CDH18: variants seen among roughly 807,000 people sequenced by gnomAD.
The protein encoded by CDH18 is cadherin-18.
A neutral mutation model predicts 67.9 loss-of-function variants in CDH18; 31 were observed. The observed-to-expected ratio is 0.46, with a 90% CI of 0.34 to 0.62. The LOEUF (loss-of-function observed/expected upper bound fraction) is 0.62, where lower values mean the gene tolerates loss of function less well. CDH18 is among the 20% of genes least tolerant of loss of function. The pLI is 0.01. For synonymous variants in CDH18, 362 were observed against 347.2 expected (o/e 1.04, Z -0.48); for missense variants, 890 against 975.5 (o/e 0.91, Z 1.17).
At chr5:19,829,579 A>C (rs892785375) in intron 3 of CDH18, among the ~76,000 whole-genome samples, 1 of 152,198 alleles carries the variant, frequency 6.6e-6, no homozygotes, top group Admixed American at 6.5e-5. Flanking sequence ...AAACAAATGG[A>C]AAAATGTTCC....
chr5:19,674,582 C>T (rs1031083823), intron 5 of CDH18, among the ~76,000 whole-genome samples: 3 of 152,026 alleles, frequency 2.0e-5, no homozygotes, highest in Non-Finnish European at 4.4e-5. Context: ...CAATTGACAT[C>T]ACAGACTTTA....
intron 7 of CDH18, among the ~76,000 whole-genome samples, chr5:19,586,519 C>T (rs1273743985): frequency 6.6e-6 from 1 of 152,116 alleles, no homozygotes; most frequent in Non-Finnish European, 1.5e-5. Context: ...TGTCTATGTC[C>T]CTACAAAGGA....
intron 2 of CDH18, among the ~76,000 whole-genome samples, chr5:20,028,915 A>G (rs1292587243): frequency 6.6e-6 from 1 of 152,188 alleles, no homozygotes; most frequent in African/African-American, 2.4e-5. Flanking sequence ...TTAATTCCTT[A>G]CACATGCTAA....
At chr5:19,603,720 G>A (rs1181448123) in intron 6 of CDH18, among the ~76,000 whole-genome samples, 1 of 150,838 alleles carries the variant, frequency 6.6e-6, no homozygotes, top group Non-Finnish European at 1.5e-5. Context: ...TGGATTTTCA[G>A]TGTGTGAGGC....
intron 5 of CDH18, among the ~76,000 whole-genome samples, chr5:19,708,980 C>T (rs1371693309): frequency 1.4e-5 from 2 of 143,952 alleles, no homozygotes; most frequent in Non-Finnish European, 3.1e-5. Flanking sequence ...TGCACTCCAG[C>T]CCGGGCAACA....
intron 5 of CDH18, among the ~76,000 whole-genome samples, chr5:19,702,235 G>A (rs1388815831): frequency 1.5e-5 from 2 of 132,494 alleles, no homozygotes; most frequent in Non-Finnish European, 3.1e-5. Context: ...TGCAACCCCC[G>A]CCTCCAGGGT....
intron 10 of CDH18, among the ~76,000 whole-genome samples, chr5:19,508,048 G>T (rs1183193767): frequency 2.1e-5 from 3 of 144,154 alleles, no homozygotes; most frequent in Non-Finnish European, 1.5e-5. Context: ...TTTATTAATC[G>T]TATTTCTGAA....
At chr5:19,942,264 T>G (rs1046576234) in intron 2 of CDH18, among the ~76,000 whole-genome samples, 4 of 152,146 alleles carry the variant, frequency 2.6e-5, no homozygotes, top group Non-Finnish European at 2.9e-5. Context: ...CTAAGGCACA[T>G]ATGATTTTCC....
Position 20,453,930 on chromosome 5 carries a change from C to T in CDH18, c.-580+121532G>A, listed in dbSNP as rs190003983. Among the ~76,000 whole-genome samples the T allele has an allele frequency of 2.2e-4, 33 of 151,934 alleles. No homozygotes were observed. The East Asian group carries it at 5.4e-3, about 25-fold the overall frequency. Reference sequence around the variant, plus strand: ...ACATGAAAATATCCAATAACAGTTGCGAAGGGAGATAAAAATTAATACTTT... The same window carrying T: ...ACATGAAAATATCCAATAACAGTTGTGAAGGGAGATAAAAATTAATACTTT... On this transcript the variant is annotated intron_variant, in intron 1 of 14. Coordinates refer to the CDH18 transcript ENST00000507958.
rs558191501 is a variant in CDH18, at chr5:20,395,034, A to T, written c.-579-139529T>A. Among the ~76,000 whole-genome samples the T allele has an allele frequency of 2.6e-4, 39 of 152,290 alleles. 1 individual carries two copies. The South Asian group carries it at 8.1e-3, about 32-fold the overall frequency. On this transcript the variant is annotated intron_variant, in intron 1 of 14. Coordinates refer to the CDH18 transcript ENST00000507958. ...AGCATTTGTGGAAAACAGTATGGAG[A>T]TTTCTCAAAGAACTAAAAGTTGATC...
At chr5:19,600,703 C>T (rs1746992869) in intron 6 of CDH18, among the ~76,000 whole-genome samples, 1 of 151,624 alleles carries the variant, frequency 6.6e-6, no homozygotes, top group Non-Finnish European at 1.5e-5. Context: ...GAAATTTTTT[C>T]CTTGAATGAA....
At chr5:20,496,651 TA>T (rs1561064110) in intron 1 of CDH18, among the ~76,000 whole-genome samples, 1 of 152,108 alleles carries the variant, frequency 6.6e-6, no homozygotes, top group Non-Finnish European at 1.5e-5. Context: ...AATTGAGAGA[TA>T]AATTGTAAAT....
chr5:19,883,796 T>C (rs1002833481), intron 2 of CDH18, among the ~76,000 whole-genome samples: 1 of 152,104 alleles, frequency 6.6e-6, no homozygotes, highest in Non-Finnish European at 1.5e-5. Flanking sequence ...CTTGTAAATA[T>C]ACAAGGATAG....
chr5:20,406,563 A>G (rs1210491178), intron 1 of CDH18, among the ~76,000 whole-genome samples: 1 of 128,396 alleles, frequency 7.8e-6, no homozygotes, highest in Non-Finnish European at 1.8e-5. Context: ...GTACCCTAAA[A>G]CTTAAAGTAT....
intron 2 of CDH18, among the ~76,000 whole-genome samples, chr5:20,074,684 T>C (rs1743769343): frequency 6.6e-6 from 1 of 151,838 alleles, no homozygotes; most frequent in African/African-American, 2.4e-5. Flanking sequence ...ACAATCAGAA[T>C]CTCACCACCA....
chr5:19,599,179 A>G (rs1746663784), intron 6 of CDH18, among the ~76,000 whole-genome samples: 1 of 152,118 alleles, frequency 6.6e-6, no homozygotes, highest in Admixed American at 6.5e-5. Flanking sequence ...TACATACACA[A>G]ATATATGTAC....
intron 2 of CDH18, among the ~76,000 whole-genome samples, chr5:20,017,046 C>G (rs917516857): frequency 6.6e-6 from 1 of 151,262 alleles, no homozygotes; most frequent in African/African-American, 2.4e-5. Context: ...TTTAAAAATA[C>G]ATTTTCAAAA....
chr5:19,958,806 A>C (rs1210860541), intron 2 of CDH18, among the ~76,000 whole-genome samples: 1 of 152,050 alleles, frequency 6.6e-6, no homozygotes, highest in Non-Finnish European at 1.5e-5. Context: ...TCCGTGTTGC[A>C]TCGCATTTTA....
intron 1 of CDH18, among the ~76,000 whole-genome samples, chr5:20,525,346 C>T (rs1043213181): frequency 2.6e-5 from 4 of 151,998 alleles, no homozygotes; most frequent in African/African-American, 4.8e-5. Flanking sequence ...TTTACTGAGG[C>T]GGGGTTCATC....
Sources: gnomAD v4.1 joint callset for allele counts (sites outside exome capture counted in the v4.1 genomes callset) on GRCh38, gnomAD v4.1.1 for gene constraint, MANE v1.5 for transcripts, NCBI Gene and HGNC (gene_info 2026-07-23, HGNC 2026-07-21) for gene names.